SEPSECS: variants seen among roughly 807,000 people sequenced by gnomAD.
SEPSECS encodes O-phosphoseryl-tRNA(Sec) selenium transferase.
A neutral mutation model predicts 52.1 loss-of-function variants in SEPSECS; 42 were observed. That is an observed-to-expected ratio of 0.81 (90% CI 0.63 to 1.04). SEPSECS has a LOEUF of 1.04. Ranked by LOEUF, SEPSECS falls within the 50% of genes least tolerant of loss-of-function variation. The probability of loss-of-function intolerance (pLI) is 0.00; values close to 1 mark genes in which losing one functional copy is unlikely to be tolerated. For missense variants in SEPSECS, 590 were observed against 610.6 expected, an observed-to-expected ratio of 0.97 and a Z score of 0.36; for synonymous variants, 216 against 211.4, an observed-to-expected ratio of 1.02 and a Z score of -0.19.
At chr4:25,124,672 T>C (rs1393540986) in intron 10 of SEPSECS, among the ~76,000 whole-genome samples, 2 of 152,152 alleles carry the variant, frequency 1.3e-5, no homozygotes, top group African/African-American at 2.4e-5. Flanking sequence ...ACCACTGTAA[T>C]TGTCATGTGT....
chr4:25,128,859 C>T (rs1728497877), intron 8 of SEPSECS, among the ~76,000 whole-genome samples: 1 of 152,074 alleles, frequency 6.6e-6, no homozygotes, highest in East Asian at 1.9e-4. Context: ...ATACTCTCAT[C>T]CCACACTGAG....
rs537396716 is a variant in SEPSECS, at chr4:25,134,028, G to A, written c.1027-6671C>T. Among the ~76,000 whole-genome samples the A allele has an allele frequency of 3.0e-4, 45 of 150,568 alleles. No homozygotes were observed. The South Asian group carries it at 9.5e-3, about 32-fold the overall frequency. ...GACACCAGTTACTCAGGAGGCTGAGGTGGGAGGATCACCTGAACCCAGAGA... is the reference window on the plus strand; with the variant it reads ...GACACCAGTTACTCAGGAGGCTGAGATGGGAGGATCACCTGAACCCAGAGA... On this transcript the variant is annotated intron_variant, in intron 8 of 10. Coordinates refer to ENST00000382103, the MANE Select transcript of SEPSECS (RefSeq NM_016955.4).
rs1271307749 is a variant in SEPSECS, at chr4:25,156,086, T to C, written c.498A>G (p.Ile166Met). ...AGGACTTCTGGTCTATTCGTGGCCA[T>C]ATAATATACTTTGCCTTTGGTCTTT... ...RHKRPKAKYI[I>M]WPRIDQKSCF... The change falls in exon 4 of 11, where the codon ATA becomes ATG. Residue 166 changes from isoleucine (I) to methionine (M), a missense_variant. Transcript: ENST00000382103. 1.2e-6 allele frequency: 2 copies of C among 1,613,994 alleles called. No homozygotes were observed. The highest frequency in any genetic ancestry group is 1.7e-6 in the Non-Finnish European group (2 of 1,179,900).
intron 1 of SEPSECS, 71 bp from the exon 2 acceptor site, chr4:25,159,178 A>C (rs1014115996): frequency 1.5e-6 from 2 of 1,318,364 alleles, no homozygotes; most frequent in Admixed American, 5.5e-5. Context: ...ACAGGAATAC[A>C]GTTTTTCTTT....
chr4:25,148,245 C>T (rs996677944), intron 6 of SEPSECS, among the ~76,000 whole-genome samples: 1 of 149,346 alleles, frequency 6.7e-6, no homozygotes, highest in Non-Finnish European at 1.5e-5. Context: ...CCCAGCTACT[C>T]GGGAGGCTGA....
Position 25,122,089 on chromosome 4 carries a change from T to A in SEPSECS, c.*1842A>T, listed in dbSNP as rs750476628. On this transcript the variant is annotated 3_prime_UTR_variant, in exon 11 of 11. Coordinates refer to ENST00000382103, the MANE Select transcript of SEPSECS (RefSeq NM_016955.4). ...TCAGCAATTTAGTCCCAAATTCTCA[T>A]GAAAAATTTACACTTTTTAATCCAG... 4 of 152,188 alleles carry A rather than the reference T, an allele frequency of 2.6e-5. No homozygotes were observed. The highest frequency in any genetic ancestry group is 5.9e-5 in the Non-Finnish European group (4 of 68,012). The allele number at this position is 152,188 out of a possible 1,614,324, so 9.4% of individuals were successfully genotyped here.
chr4:25,154,233 T>C (rs554771744), intron 5 of SEPSECS, among the ~76,000 whole-genome samples: 14 of 152,228 alleles, frequency 9.2e-5, no homozygotes, highest in Middle Eastern at 3.4e-3. Context: ...AAAGCCAACA[T>C]AGAATTCATT....
At chr4:25,157,072 G>A in intron 2 of SEPSECS, 98 bp from the exon 3 acceptor site, 3 of 775,536 alleles carry the variant, frequency 3.9e-6, no homozygotes, top group East Asian at 5.0e-5. Flanking sequence ...AAAACACCAG[G>A]AGCAATATTT....
chr4:25,155,272 C>T, intron 4 of SEPSECS, 121 bp from the exon 5 acceptor site: 1 of 1,093,622 alleles, frequency 9.1e-7, no homozygotes, highest in Non-Finnish European at 1.3e-6. Flanking sequence ...GTAGATTAAC[C>T]TTCCTCTGGT....
intron 8 of SEPSECS, among the ~76,000 whole-genome samples, chr4:25,132,347 T>C (rs1728643901): frequency 6.6e-6 from 1 of 152,228 alleles, no homozygotes; most frequent in African/African-American, 2.4e-5. Context: ...CTCTCAGTGA[T>C]GGTATATAAA....
At chr4:25,126,330 CT>C (rs1429469447) in intron 9 of SEPSECS, among the ~76,000 whole-genome samples, 2 of 151,974 alleles carry the variant, frequency 1.3e-5, no homozygotes, top group Non-Finnish European at 2.9e-5. Flanking sequence ...AGGTCAGAGG[CT>C]AGGACATGGA....
chr4:25,136,024 C>A (rs780011445), intron 8 of SEPSECS, among the ~76,000 whole-genome samples: 1 of 152,144 alleles, frequency 6.6e-6, no homozygotes, highest in Non-Finnish European at 1.5e-5. Flanking sequence ...TAAAAACTCT[C>A]AATAAATTAG....
At position 25,120,782 on chromosome 4, in the gene SEPSECS, T is replaced by C. The variant is rs1728091450; in HGVS notation, c.*3149A>G. 1.3e-5 allele frequency: 2 copies of C among 152,198 alleles called. No individual in the cohort carries two copies. Among genetic ancestry groups the C allele is most frequent in the Admixed American group, 6.5e-5 (1 of 15,272 alleles). 9.4% of individuals were successfully genotyped at this position (152,198 alleles called of 1,614,324 possible). A position where few individuals can be genotyped will look rare whatever the true frequency, so the allele number is the denominator to read the frequency against. ...CAGACTCACCAGAGCTTTATTATTG[T>C]TGTTTTCAGCTGTTGGTTATTTTCC... On this transcript the variant is annotated 3_prime_UTR_variant, in exon 11 of 11. Transcript: ENST00000382103.
chr4:25,158,880 A>C, intron 2 of SEPSECS, 73 bp downstream of exon 2: 3 of 1,408,846 alleles, frequency 2.1e-6, no homozygotes, highest in Non-Finnish European at 2.0e-6. Flanking sequence ...CTAATAAGAT[A>C]AATACTGCTG....
intron 8 of SEPSECS, among the ~76,000 whole-genome samples, chr4:25,128,451 AAAAACAAAAAC>A (rs934452501): frequency 2.6e-5 from 4 of 151,586 alleles, no homozygotes; most frequent in African/African-American, 7.3e-5. Context: ...AAACAAAAAC[AAAAACAAAAAC>A]AAAACAAAAA....
intron 10 of SEPSECS, 189 bp downstream of exon 10, chr4:25,125,505 A>G: frequency 1.7e-6 from 1 of 584,124 alleles, no homozygotes; most frequent in East Asian, 2.8e-5. Context: ...TGACTATTTC[A>G]GGCATAAGCA....
intron 5 of SEPSECS, among the ~76,000 whole-genome samples, chr4:25,152,677 C>T (rs910318712): frequency 6.6e-6 from 1 of 151,908 alleles, no homozygotes; most frequent in South Asian, 2.1e-4. Context: ...TTTCATTTTA[C>T]ACCTCTCATA....
At chr4:25,133,455 T>A (rs1310677333) in intron 8 of SEPSECS, among the ~76,000 whole-genome samples, 37 of 152,216 alleles carry the variant, frequency 2.4e-4, no homozygotes, top group Admixed American at 2.4e-3. Flanking sequence ...CTGAGCTACA[T>A]ATTCCTGCAG....
chr4:25,129,978 T>C (rs1028826244), intron 8 of SEPSECS, among the ~76,000 whole-genome samples: 1 of 152,236 alleles, frequency 6.6e-6, no homozygotes, highest in Non-Finnish European at 1.5e-5. Context: ...AACTGGCCTC[T>C]GCCTTTCCAA....
Sources: gnomAD v4.1 joint callset for allele counts (sites outside exome capture counted in the v4.1 genomes callset) on GRCh38, gnomAD v4.1.1 for gene constraint, MANE v1.5 for transcripts, NCBI Gene and HGNC (gene_info 2026-07-23, HGNC 2026-07-21) for gene names.